ANXA2: variants seen among roughly 807,000 people sequenced by gnomAD.
ANXA2 encodes annexin II.
A neutral mutation model predicts 47.3 loss-of-function variants in ANXA2; 28 were observed. That is an observed-to-expected ratio of 0.59 (90% CI 0.44 to 0.81). The LOEUF is 0.81. Ranked by LOEUF, ANXA2 falls within the 40% of genes least tolerant of loss-of-function variation. ANXA2 has a pLI of 0.00. For missense variants in ANXA2, 384 were observed against 414.3 expected, an observed-to-expected ratio of 0.93 and a Z score of 0.64; for synonymous variants, 172 against 155.5, an observed-to-expected ratio of 1.11 and a Z score of -0.79.
chr15:60,351,318 A>G, intron 10 of ANXA2, 67 bp from the exon 11 acceptor site: 1 of 1,538,528 alleles, frequency 6.5e-7, no homozygotes, highest in Non-Finnish European at 9.0e-7. Flanking sequence ...ATGAGAGAGG[A>G]TGCCCTGGCC....
At chr15:60,393,284 G>C (rs1308590695) in intron 1 of ANXA2, 2 of 1,024,786 alleles carry the variant, frequency 2.0e-6, no homozygotes, top group African/African-American at 3.5e-5. Context: ...CTGGTATCCT[G>C]ATCTGGGGTT....
chr15:60,368,232 C>G (rs1251231603), intron 3 of ANXA2, among the ~76,000 whole-genome samples: 4 of 147,180 alleles, frequency 2.7e-5, no homozygotes, highest in African/African-American at 7.5e-5. Context: ...ACTTGTTTAT[C>G]TGCTGACCTT....
chr15:60,362,979 C>T (rs908789427), intron 4 of ANXA2: 4 of 132,796 alleles, frequency 3.0e-5, no homozygotes, highest in Non-Finnish European at 4.6e-5. Flanking sequence ...TGCAGTAAGC[C>T]GAATCACACC....
At chr15:60,384,170 G>C (rs992295463) in intron 2 of ANXA2, 2 of 152,198 alleles carry the variant, frequency 1.3e-5, no homozygotes, top group African/African-American at 4.8e-5. Context: ...TGTTTGCTAT[G>C]GTAGCTATAA....
At chr15:60,393,808 CCCT>C (rs2063046110) in intron 1 of ANXA2, among the ~76,000 whole-genome samples, 1 of 152,192 alleles carries the variant, frequency 6.6e-6, no homozygotes, top group African/African-American at 2.4e-5. Context: ...CAACTTAACT[CCCT>C]CCTGTTTCCT....
At chr15:60,376,951 C>A (rs118073586) in intron 3 of ANXA2, among the ~76,000 whole-genome samples, 3,150 of 152,342 alleles carry the variant, frequency 0.021, 69 homozygotes, top group Non-Finnish European at 0.028. Flanking sequence ...TCCCGGCACA[C>A]TCACACACAC....
intron 4 of ANXA2, among the ~76,000 whole-genome samples, chr15:60,361,278 T>C (rs1298373267): frequency 6.6e-6 from 1 of 152,198 alleles, no homozygotes; most frequent in Non-Finnish European, 1.5e-5. Flanking sequence ...TCCAAGTTAA[T>C]TTTGCCGTCT....
intron 5 of ANXA2, among the ~76,000 whole-genome samples, chr15:60,358,390 CGAATATG>C (rs1411066218): frequency 6.6e-6 from 1 of 152,016 alleles, no homozygotes; most frequent in Admixed American, 6.5e-5. Flanking sequence ...CTTGTCTTTC[CGAATATG>C]GAACTATCAC....
chr15:60,393,218 A>G, intron 1 of ANXA2: 1 of 1,126,218 alleles, frequency 8.9e-7, no homozygotes, highest in Non-Finnish European at 1.1e-6. Context: ...CTGAATCAAT[A>G]TTTGTTTGCT....
chr15:60,381,657 C>A (rs373599305), intron 3 of ANXA2, among the ~76,000 whole-genome samples: 4 of 152,202 alleles, frequency 2.6e-5, no homozygotes, highest in African/African-American at 9.6e-5. Context: ...TCTGACAGCT[C>A]TTCTAATTCC....
chr15:60,355,063 G>A (rs796486684), intron 7 of ANXA2, among the ~76,000 whole-genome samples: 7 of 152,164 alleles, frequency 4.6e-5, no homozygotes, highest in African/African-American at 1.2e-4. Context: ...GGCACAGCAC[G>A]CTCTCAGGTA....
chr15:60,389,261 A>G (rs2062975311), intron 1 of ANXA2, among the ~76,000 whole-genome samples: 1 of 152,196 alleles, frequency 6.6e-6, no homozygotes, highest in East Asian at 1.9e-4. Flanking sequence ...CTAGCAAGTC[A>G]GAGTTGCAAA....
rs189416158 is a variant in ANXA2, at chr15:60,371,663, C to T, written c.149-7140G>A. On this transcript the variant is annotated intron_variant, in intron 3 of 12. Coordinates refer to ENST00000451270, the MANE Select transcript of ANXA2 (RefSeq NM_004039.3). ...GGTTGACTTGGAAAACAAAGGAAAA[C>T]TGTCCAGATCCTCTCCTTACCTAGA... 1.7e-3 allele frequency among the ~76,000 whole-genome samples: 264 copies of T among 152,280 alleles called. 1 individual carries two copies. Among genetic ancestry groups the T allele is most frequent in the African/African-American group, 6.2e-3 (256 of 41,546 alleles).
chr15:60,380,827 AT>A (rs1182210727), intron 3 of ANXA2, among the ~76,000 whole-genome samples: 37 of 128,740 alleles, frequency 2.9e-4, no homozygotes, highest in East Asian at 6.8e-4. Flanking sequence ...AAAAAAAAAG[AT>A]TTTTTTTTTA....
chr15:60,374,203 C>T (rs1232650890), intron 3 of ANXA2, among the ~76,000 whole-genome samples: 1 of 152,132 alleles, frequency 6.6e-6, no homozygotes, highest in African/African-American at 2.4e-5. Flanking sequence ...GTAATCTCAC[C>T]GGCTGCTTTA....
chr15:60,384,647 G>C (rs991364124), intron 2 of ANXA2: 1 of 152,126 alleles, frequency 6.6e-6, no homozygotes, highest in Non-Finnish European at 1.5e-5. Flanking sequence ...CATGCAGTTT[G>C]TATTGTTCCC....
chr15:60,374,910 C>T (rs1260202522), intron 3 of ANXA2, among the ~76,000 whole-genome samples: 3 of 152,228 alleles, frequency 2.0e-5, no homozygotes, highest in Non-Finnish European at 4.4e-5. Context: ...ACGTGAGTCA[C>T]AGAAGAGCTC....
At chr15:60,396,967 C>A (rs1188224410) in intron 1 of ANXA2, among the ~76,000 whole-genome samples, 1 of 152,198 alleles carries the variant, frequency 6.6e-6, no homozygotes, top group Non-Finnish European at 1.5e-5. Flanking sequence ...CATTTATTAC[C>A]TAATGACTGT....
chr15:60,386,131 T>A, intron 1 of ANXA2, 45 bp from the exon 2 acceptor site: 2 of 1,321,762 alleles, frequency 1.5e-6, no homozygotes, highest in Non-Finnish European at 2.2e-6. Context: ...GAGGCTCTCC[T>A]TTACTCTGAA....
Sources: gnomAD v4.1 joint callset for allele counts (sites outside exome capture counted in the v4.1 genomes callset) on GRCh38, gnomAD v4.1.1 for gene constraint, MANE v1.5 for transcripts, NCBI Gene and HGNC (gene_info 2026-07-23, HGNC 2026-07-21) for gene names.